Variants in KDM6A observed in about 807,000 individuals in gnomAD.
KDM6A encodes lysine demethylase 6A, also known as lysine-specific demethylase 6A.
In KDM6A, 11 loss-of-function variants were observed where a neutral mutation model predicts 117.6. The ratio of observed to expected loss-of-function variants is 0.09; its 90% CI spans 0.06 to 0.15. The LOEUF is 0.15. Among genes scored for constraint, KDM6A ranks in the 10% least tolerant of loss-of-function variants. The pLI is 1.00. For synonymous variants in KDM6A, 384 were observed against 396.1 expected, an observed-to-expected ratio of 0.97 and a Z score of 0.36; for missense variants, 799 against 1,077.3, an observed-to-expected ratio of 0.74 and a Z score of 3.62.
At chrX:45,008,291 G>A (rs1218558040) in intron 4 of KDM6A, among the ~76,000 whole-genome samples, 1 of 111,085 alleles carries the variant, frequency 9.0e-6, no homozygotes, top group East Asian at 2.8e-4. Flanking sequence ...GGAGAATGGC[G>A]TGAACCCGGG....
intron 3 of KDM6A, among the ~76,000 whole-genome samples, chrX:44,974,136 G>A (rs1236971990): frequency 1.8e-5 from 2 of 111,043 alleles, no homozygotes; most frequent in East Asian, 2.8e-4. Flanking sequence ...ATGGGATTGC[G>A]GATCTCTGAA....
At chrX:45,079,047 G>A (rs867264987) in intron 20 of KDM6A, 99 bp from the exon 21 acceptor site, 23 of 732,465 alleles carry the variant, frequency 3.1e-5, no homozygotes, top group Middle Eastern at 4.7e-4. Context: ...ATACAGTGCC[G>A]TAAAATGCTT....
intron 2 of KDM6A, among the ~76,000 whole-genome samples, chrX:44,909,192 C>T (rs1266685058): frequency 4.5e-5 from 5 of 111,635 alleles, no homozygotes; most frequent in Non-Finnish European, 3.8e-5. Context: ...ATAATGGAAC[C>T]GTATAATAGG....
intron 8 of KDM6A, among the ~76,000 whole-genome samples, chrX:45,049,942 A>C (rs2043757624): frequency 8.8e-6 from 1 of 113,119 alleles, no homozygotes; most frequent in South Asian, 3.6e-4. Flanking sequence ...GAAGGAATTG[A>C]ATAACTTGGC....
intron 2 of KDM6A, among the ~76,000 whole-genome samples, chrX:44,905,903 A>T (rs2034622519): frequency 8.9e-6 from 1 of 112,616 alleles, no homozygotes; most frequent in Non-Finnish European, 1.9e-5. Context: ...AATTAAAGGC[A>T]AATATATATA....
chrX:44,986,694 G>T (rs1323505689), intron 4 of KDM6A, among the ~76,000 whole-genome samples: 1 of 111,955 alleles, frequency 8.9e-6, no homozygotes, highest in East Asian at 2.8e-4. Flanking sequence ...GGAGCAGGTT[G>T]TTCAGTTTCC....
intron 15 of KDM6A, among the ~76,000 whole-genome samples, chrX:45,061,660 T>G (rs894580933): frequency 1.9e-5 from 2 of 107,882 alleles, no homozygotes; most frequent in African/African-American, 6.8e-5. Context: ...CCCCGCTAAT[T>G]TTTATATTTT....
intron 2 of KDM6A, among the ~76,000 whole-genome samples, chrX:44,906,438 A>G (rs1384108561): frequency 9.1e-6 from 1 of 110,232 alleles, no homozygotes; most frequent in Admixed American, 9.7e-5. Context: ...GGTGTGAGAT[A>G]CCGTGTATGG....
chrX:45,085,108 A>G (rs992427373), intron 24 of KDM6A, among the ~76,000 whole-genome samples: 4 of 112,069 alleles, frequency 3.6e-5, no homozygotes, highest in Admixed American at 1.9e-4. Context: ...GGAATAAATG[A>G]TAGAAGAACT....
At chrX:44,990,272 C>T (rs1208634765) in intron 4 of KDM6A, among the ~76,000 whole-genome samples, 1 of 111,903 alleles carries the variant, frequency 8.9e-6, no homozygotes, top group East Asian at 2.8e-4. Context: ...GGCACAGTGT[C>T]TCATGCCTGT....
intron 2 of KDM6A, among the ~76,000 whole-genome samples, chrX:44,949,112 C>T (rs11091129): frequency 0.35 from 39,230 of 110,917 alleles, 7,618 homozygotes; most frequent in African/African-American, 0.75. Flanking sequence ...TGTACTAGGC[C>T]GGGTGCGGTG....
intron 2 of KDM6A, among the ~76,000 whole-genome samples, chrX:44,883,964 T>TG (rs1159679034): frequency 1.8e-5 from 2 of 108,474 alleles, no homozygotes; most frequent in African/African-American, 6.7e-5. Flanking sequence ...TAACCGGGTG[T>TG]GGTGGCGCAT....
chrX:45,063,298 A>G (rs1046027165), intron 16 of KDM6A, 124 bp from the exon 17 acceptor site: 2 of 637,246 alleles, frequency 3.1e-6, no homozygotes, highest in Non-Finnish European at 5.1e-6. Flanking sequence ...CATTTGGGTA[A>G]AATCACACAT....
At position 44,873,638 on chromosome X, in the gene KDM6A, A is replaced by G. The variant is rs776639769; in HGVS notation, c.87A>G (p.Lys29=). Residue 29 remains lysine (K), a synonymous_variant, in exon 1 of 30, where the codon AAA becomes AAG. Coordinates refer to ENST00000611820, the MANE Select transcript of KDM6A (RefSeq NM_001291415.2). ...GDEEKKMAAG[K]ASGESEEASP... is the part of the protein sequence containing the mutation. ...AGGAAAAGAAAATGGCGGCGGGAAA[A>G]GCGAGCGGCGAGAGCGAGGAGGCGT... 8.4e-7 allele frequency: 1 copy of G among 1,195,811 alleles called. No individual in the cohort carries two copies. Among genetic ancestry groups the G allele is most frequent in the Non-Finnish European group, 1.1e-6 (1 of 887,958 alleles).
At chrX:45,002,397 T>G (rs767201178) in intron 4 of KDM6A, among the ~76,000 whole-genome samples, 32 of 112,244 alleles carry the variant, frequency 2.9e-4, no homozygotes, top group Non-Finnish European at 5.4e-4. Flanking sequence ...GTGCTTTTAT[T>G]TTAATGTCCA....
In KDM6A at chrX:44,946,059, T is replaced by A. The variant is rs142160043; in HGVS notation, c.226-15225T>A. On this transcript the variant is annotated intron_variant, in intron 2 of 29. Coordinates refer to ENST00000611820, the MANE Select transcript of KDM6A (RefSeq NM_001291415.2). ...TATGAAGAATTTGTGTTTTGCTTTG[T>A]TATTCATTCTTGCCATTTGTGGATC... Among the ~76,000 whole-genome samples, 1,123 of 112,525 alleles carry A rather than the reference T, an allele frequency of 1.0e-2. 14 individuals carry two copies. The highest frequency in any genetic ancestry group is 0.035 in the African/African-American group (1,081 of 31,012).
intron 27 of KDM6A, among the ~76,000 whole-genome samples, chrX:45,103,003 C>A (rs2046387571): frequency 9.0e-6 from 1 of 110,689 alleles, no homozygotes; most frequent in African/African-American, 3.3e-5. Flanking sequence ...GAGCAAGGCA[C>A]CTCTTGGTGT....
In KDM6A at chrX:45,083,484, G is replaced by A. The variant is rs961946514; in HGVS notation, c.3465G>A (p.Leu1155=). The A allele has an allele frequency of 8.3e-7, 1 of 1,210,194 alleles. No individual in the cohort carries two copies. ...GGTGGAAGTTGCAGCTACATGAGCTGACTAAACTTCCTGCTTTTGTGCGTG... is the reference window on the plus strand; with the variant it reads ...GGTGGAAGTTGCAGCTACATGAGCTAACTAAACTTCCTGCTTTTGTGCGTG... ...DKKWKLQLHE[L]TKLPAFVRVV... The change falls in exon 24 of 30, where the codon CTG becomes CTA. Residue 1155 remains leucine (L), a synonymous_variant. Transcript: ENST00000611820.
intron 2 of KDM6A, among the ~76,000 whole-genome samples, chrX:44,891,445 G>A (rs1433672036): frequency 3.6e-5 from 4 of 111,437 alleles, no homozygotes; most frequent in Admixed American, 2.9e-4. Context: ...GTATATATTT[G>A]TAGGGGTTTA....
Sources: gnomAD v4.1 joint callset for allele counts (sites outside exome capture counted in the v4.1 genomes callset) on GRCh38, gnomAD v4.1.1 for gene constraint, MANE v1.5 for transcripts, NCBI Gene and HGNC (gene_info 2026-07-23, HGNC 2026-07-21) for gene names.